CAMK2B: variants seen among roughly 807,000 people sequenced by gnomAD.
CAMK2B encodes the protein calcium/calmodulin dependent protein kinase II beta.
CAMK2B carries 27 observed loss-of-function variants against 93.7 expected under a neutral mutation model. The ratio of observed to expected loss-of-function variants is 0.29; its 90% CI spans 0.21 to 0.40. The LOEUF (loss-of-function observed/expected upper bound fraction) is 0.40, where lower values mean the gene tolerates loss of function less well. CAMK2B is among the 10% of genes least tolerant of loss of function. The probability of loss-of-function intolerance (pLI) is 1.00; values close to 1 mark genes in which losing one functional copy is unlikely to be tolerated. For synonymous variants in CAMK2B, 374 were observed against 358.8 expected (o/e 1.04, Z -0.48); for missense variants, 568 against 895.8 (o/e 0.63, Z 4.67).
chr7:44,225,654 G>T lies in CAMK2B; in HGVS notation c.1597+862C>A. 9.5e-7 allele frequency: 1 copy of T among 1,047,178 alleles called. No individual in the cohort carries two copies. The highest frequency in any genetic ancestry group is 1.3e-6 in the Non-Finnish European group (1 of 772,566). 64.9% of individuals were successfully genotyped at this position (1,047,178 alleles called of 1,614,324 possible). Reference sequence around the variant, plus strand: ...CCCTCCTCGAGCCGCTGCTCCTGTGGGTTCACTCTCCCCACACCCTTCTGC... The same window carrying T: ...CCCTCCTCGAGCCGCTGCTCCTGTGTGTTCACTCTCCCCACACCCTTCTGC... On this transcript the variant is annotated intron_variant, in intron 20 of 23. Transcript: ENST00000395749. The surrounding 1 kb of genome is among the most constrained non-coding windows in gnomAD (Gnocchi z 5.0).
Position 44,234,447 on chromosome 7 carries a change from G to T in CAMK2B, c.1074C>A (p.Ser358Arg). The T allele has an allele frequency of 6.4e-7, 1 of 1,560,312 alleles. No homozygotes were observed. Among genetic ancestry groups the T allele is most frequent in the South Asian group, 1.2e-5 (1 of 83,014 alleles). ...KADGVKPQTN[S>R]TKNSAAATSP... is the part of the protein sequence containing the mutation. Reference sequence around the variant, plus strand: ...TGGTGGCGGCTGCACTGTTTTTGGTGCTATTCGTCTGGGGCTGTGGAGAGA... The same window carrying T: ...TGGTGGCGGCTGCACTGTTTTTGGTTCTATTCGTCTGGGGCTGTGGAGAGA... Residue 358 changes from serine (S) to arginine (R), a missense_variant, in exon 15 of 24, where the codon AGC becomes AGA. Physicochemically the swap from Ser to Arg is moderately radical, Grantham distance 110. Coordinates refer to ENST00000395749, the MANE Select transcript of CAMK2B (RefSeq NM_001220.5).
Position 44,325,340 on chromosome 7 carries a change from C to A in CAMK2B, c.65+17G>T. ...TCTGGGGTCCCCGGCCCAGCCCGCGCGCGCCGCTGCTCTTACTTGCCAATA... is the reference window on the plus strand; with the variant it reads ...TCTGGGGTCCCCGGCCCAGCCCGCGAGCGCCGCTGCTCTTACTTGCCAATA... On this transcript the variant is annotated intron_variant, in intron 1 of 23. Transcript: ENST00000395749. The A allele has an allele frequency of 8.1e-7, 1 of 1,231,716 alleles. No homozygotes were observed. Among genetic ancestry groups the A allele is most frequent in the East Asian group, 5.8e-5 (1 of 17,296 alleles). 76.3% of individuals were successfully genotyped at this position (1,231,716 alleles called of 1,614,324 possible). A position where few individuals can be genotyped will look rare whatever the true frequency, so the allele number is the denominator to read the frequency against.
intron 1 of CAMK2B, among the ~76,000 whole-genome samples, chr7:44,310,156 G>C (rs1307438259): frequency 1.3e-5 from 2 of 152,268 alleles, no homozygotes; most frequent in Non-Finnish European, 2.9e-5. Flanking sequence ...ATCAATTAAA[G>C]TACTCGGGTT....
chr7:44,325,230 G>T, intron 1 of CAMK2B, 127 bp downstream of exon 1: 1 of 383,786 alleles, frequency 2.6e-6, no homozygotes, highest in South Asian at 1.1e-4. Context: ...GTGCGCTTGG[G>T]CCCGGAGCCC....
intron 1 of CAMK2B, among the ~76,000 whole-genome samples, chr7:44,301,327 G>C (rs901657368): frequency 1.3e-5 from 2 of 152,096 alleles, no homozygotes; most frequent in African/African-American, 2.4e-5. Flanking sequence ...TTTAGAAACA[G>C]GATCTTGCTA....
In CAMK2B at chr7:44,228,917, C is replaced by G; in HGVS notation, c.1347G>C (p.Arg449Ser). 6.2e-7 allele frequency: 1 copy of G among 1,608,050 alleles called. No homozygotes were observed. The highest frequency in any genetic ancestry group is 8.5e-7 in the Non-Finnish European group (1 of 1,177,184). The stretch of plus-strand genomic sequence containing the variant: ...TCACAGAGTTCAGGATGTCAGAGAT[C>G]CTGGGGGCTGGGGTGGAACAGATGA... ...PFSPLPAPSP[R>S]ISDILNSVRR... Residue 449 changes from arginine (R) to serine (S), a missense_variant, in exon 19 of 24, where the codon AGG becomes AGC. Arg to Ser is a moderately radical substitution (Grantham distance 110). This residue lies in a region of CAMK2B where 308 missense variants were observed against 292.1 expected (regional missense o/e 1.05). Transcript: ENST00000395749.
intron 3 of CAMK2B, among the ~76,000 whole-genome samples, chr7:44,260,782 C>T (rs1000684250): frequency 6.6e-6 from 1 of 152,122 alleles, no homozygotes; most frequent in Non-Finnish European, 1.5e-5. Context: ...AAGCCCAGTG[C>T]AGAAAGACCT....
rs902743030 is a variant in CAMK2B, at chr7:44,237,040, C to T, written c.1022-2364G>A. ...TCAGAAGGCTAGTTCCACCCCACCC[C>T]CGAGGGGACAGTCAGGCACGTAGCC... On this transcript the variant is annotated intron_variant, in intron 13 of 23. Coordinates refer to ENST00000395749, the MANE Select transcript of CAMK2B (RefSeq NM_001220.5). 3.9e-5 allele frequency among the ~76,000 whole-genome samples: 6 copies of T among 152,372 alleles called. No individual in the cohort carries two copies. In the South Asian group the frequency reaches 1.2e-3, roughly 32 times the overall value.
At chr7:44,244,795 G>T in intron 6 of CAMK2B, 1 of 342,548 alleles carries the variant, frequency 2.9e-6, no homozygotes. Context: ...TTCCTCGAAA[G>T]CTCCAGCCAC....
At chr7:44,226,726 C>A in intron 19 of CAMK2B, 82 bp from the exon 20 acceptor site, 1 of 1,158,708 alleles carries the variant, frequency 8.6e-7, no homozygotes, top group Admixed American at 4.0e-5. Flanking sequence ...ACAGCCAAGC[C>A]AGAGATTGAG....
chr7:44,273,807 G>A (rs1395702778), intron 2 of CAMK2B, among the ~76,000 whole-genome samples: 1 of 152,188 alleles, frequency 6.6e-6, no homozygotes, highest in East Asian at 1.9e-4. Context: ...GTCCTTTTCA[G>A]AGAGTGGACA....
intron 5 of CAMK2B, among the ~76,000 whole-genome samples, chr7:44,253,901 G>GTT (rs58844378): frequency 0.019 from 2,662 of 139,672 alleles, 25 homozygotes; most frequent in South Asian, 0.026. Flanking sequence ...CCTGGCCTCA[G>GTT]TTTTTTTTTT....
chr7:44,245,787 C>T (rs559982229), intron 6 of CAMK2B, among the ~76,000 whole-genome samples: 7 of 152,200 alleles, frequency 4.6e-5, no homozygotes, highest in African/African-American at 1.2e-4. Flanking sequence ...CAAAGATCAT[C>T]GATGGCCTAA....
intron 5 of CAMK2B, among the ~76,000 whole-genome samples, chr7:44,253,323 C>T (rs1368915346): frequency 6.6e-6 from 1 of 151,428 alleles, no homozygotes; most frequent in Non-Finnish European, 1.5e-5. Flanking sequence ...AAGCAATTCT[C>T]CTGCCTCAGC....
chr7:44,303,188 T>C (rs1790561881), intron 1 of CAMK2B, among the ~76,000 whole-genome samples: 1 of 152,096 alleles, frequency 6.6e-6, no homozygotes, highest in Non-Finnish European at 1.5e-5. Flanking sequence ...TAGGTATAAA[T>C]CTAACAAAAT....
intron 1 of CAMK2B, among the ~76,000 whole-genome samples, chr7:44,296,881 C>T (rs951209084): frequency 7.2e-5 from 11 of 152,136 alleles, no homozygotes; most frequent in Non-Finnish European, 1.6e-4. Context: ...GGCAATTGGT[C>T]ACCAGCATAC....
chr7:44,250,350 T>C (rs1273069129), intron 5 of CAMK2B, among the ~76,000 whole-genome samples: 3 of 152,210 alleles, frequency 2.0e-5, no homozygotes, highest in African/African-American at 7.2e-5. Flanking sequence ...CGATCCCCTC[T>C]AGGTTTGTTT....
chr7:44,285,884 C>T (rs143118379), intron 1 of CAMK2B, among the ~76,000 whole-genome samples: 6,532 of 26,484 alleles, frequency 0.25, 362 homozygotes, highest in Middle Eastern at 0.32. Context: ...GGGGGCGCGG[C>T]GGGGGGGCAC....
Position 44,226,520 on chromosome 7 carries a change from G to C in CAMK2B, c.1593C>G (p.Thr531=), listed in dbSNP as rs368542378. Residue 531 remains threonine, a synonymous_variant, in exon 20 of 24, where the codon ACC becomes ACG. Transcript: ENST00000395749. The stretch of plus-strand genomic sequence containing the variant: ...GCCACTCAAGGTGCTACTTACATGG[G>C]GTGGGCAGGGGGCCAGGGATAGTCG... ...PSPTIPGPLP[T]PSRKQEIIKT... The C allele has an allele frequency of 6.9e-7, 1 of 1,441,360 alleles. No homozygotes were observed. Among genetic ancestry groups the C allele is most frequent in the Non-Finnish European group, 9.1e-7 (1 of 1,098,236 alleles). The allele number at this position is 1,441,360 out of a possible 1,614,324, so 89.3% of individuals were successfully genotyped here.
Sources: allele counts gnomAD v4.1 joint callset (sites outside exome capture counted in the v4.1 genomes callset), GRCh38; gene constraint gnomAD v4.1.1; regional missense constraint gnomAD v4.1.1; non-coding constraint Gnocchi (gnomAD v3.1); transcripts MANE v1.5; gene names NCBI Gene and HGNC (gene_info 2026-07-23, HGNC 2026-07-21).